Variants in IQCM observed in about 807,000 individuals in gnomAD.
IQCM encodes the protein IQ domain-containing protein M.
A neutral mutation model predicts 57.6 loss-of-function variants in IQCM; 45 were observed. The ratio of observed to expected loss-of-function variants is 0.78; its 90% CI spans 0.62 to 1.00. The LOEUF (loss-of-function observed/expected upper bound fraction) is 1.00. Among genes scored for constraint, IQCM ranks in the 50% least tolerant of loss-of-function variants. IQCM has a pLI of 0.00. For synonymous variants in IQCM, 148 were observed against 158.9 expected, an observed-to-expected ratio of 0.93 and a Z score of 0.51; for missense variants, 468 against 511.6, an observed-to-expected ratio of 0.91 and a Z score of 0.82.
At position 149,492,350 on chromosome 4, in the gene IQCM, T is replaced by A. The variant is rs572207460; in HGVS notation, c.1228+56105A>T. ...AAAGATTATGACCTAAAACATTAGA[T>A]GTGTCAGATAACTCTAGCACCAATA... is the stretch of plus-strand genomic sequence containing the variant. On this transcript the variant is annotated intron_variant, in intron 12 of 13. Transcript: ENST00000636793. 4.3e-4 allele frequency among the ~76,000 whole-genome samples: 65 copies of A among 152,232 alleles called. 1 individual carries two copies. Among genetic ancestry groups the A allele is most frequent in the African/African-American group, 1.6e-3 (65 of 41,560 alleles).
At position 149,359,147 on chromosome 4, in the gene IQCM, A is replaced by T. The variant is rs201660485; in HGVS notation, c.1391-7081T>A. Among the ~76,000 whole-genome samples, 21 of 152,244 alleles carry T rather than the reference A, an allele frequency of 1.4e-4. No homozygotes were observed. The East Asian group carries it at 3.3e-3, about 24-fold the overall frequency. On this transcript the variant is annotated intron_variant, in intron 13 of 13. Coordinates refer to ENST00000636793, the MANE Select transcript of IQCM (RefSeq NM_001363507.2). ...TGTGTGATCCAAAAATATCTCAAATAACTTTAATGCTCGTTGGTCCCCAAG... is the reference window on the plus strand; with the variant it reads ...TGTGTGATCCAAAAATATCTCAAATTACTTTAATGCTCGTTGGTCCCCAAG...
chr4:149,625,379 C>T (rs1756704305), intron 7 of IQCM, among the ~76,000 whole-genome samples: 1 of 152,172 alleles, frequency 6.6e-6, no homozygotes, highest in African/African-American at 2.4e-5. Context: ...ATATTTCCCT[C>T]ACCCATTGGA....
chr4:149,634,389 G>GA (rs1046297249), intron 7 of IQCM, among the ~76,000 whole-genome samples: 1 of 152,194 alleles, frequency 6.6e-6, no homozygotes, highest in Admixed American at 6.5e-5. Context: ...CACTGGAACA[G>GA]AACACATCCC....
chr4:149,702,360 A>G (rs1009682356), intron 5 of IQCM, among the ~76,000 whole-genome samples: 1 of 151,390 alleles, frequency 6.6e-6, no homozygotes, highest in Non-Finnish European at 1.5e-5. Context: ...TGACCACCTA[A>G]ATACTACCTG....
At chr4:149,560,129 C>A (rs1195384995) in intron 10 of IQCM, among the ~76,000 whole-genome samples, 1 of 152,174 alleles carries the variant, frequency 6.6e-6, no homozygotes, top group South Asian at 2.1e-4. Flanking sequence ...GTCCTATAGG[C>A]TTCATGAATA....
At chr4:149,631,884 C>G (rs1301483636) in intron 7 of IQCM, among the ~76,000 whole-genome samples, 1 of 152,168 alleles carries the variant, frequency 6.6e-6, no homozygotes, top group Non-Finnish European at 1.5e-5. Flanking sequence ...GATTAGGAAG[C>G]AGTCTGTGAG....
chr4:149,603,381 C>G (rs2726766), intron 8 of IQCM, among the ~76,000 whole-genome samples: 32,257 of 152,130 alleles, frequency 0.21, 4,269 homozygotes, highest in Non-Finnish European at 0.28. Context: ...GAGGACTCAA[C>G]TGTCTTAAAA....
chr4:149,779,363 A>T (rs1771390643), intron 2 of IQCM, among the ~76,000 whole-genome samples: 1 of 152,210 alleles, frequency 6.6e-6, no homozygotes, highest in Admixed American at 6.5e-5. Context: ...ATCCAATTTC[A>T]AGATTTACTC....
chr4:149,536,186 T>C (rs893969791), intron 12 of IQCM, among the ~76,000 whole-genome samples: 3 of 152,116 alleles, frequency 2.0e-5, no homozygotes, highest in Non-Finnish European at 4.4e-5. Context: ...AAATCTAATT[T>C]GCATTGTATA....
intron 12 of IQCM, among the ~76,000 whole-genome samples, chr4:149,485,877 A>C (rs187742925): frequency 6.6e-6 from 1 of 152,276 alleles, no homozygotes; most frequent in African/African-American, 2.4e-5. Flanking sequence ...AGACTTGGAC[A>C]ATTAGCCCAA....
At chr4:149,650,524 C>A (rs1368307089) in intron 7 of IQCM, among the ~76,000 whole-genome samples, 1 of 151,692 alleles carries the variant, frequency 6.6e-6, no homozygotes, top group African/African-American at 2.4e-5. Flanking sequence ...TCCCAAGTAG[C>A]TGGGATTACA....
chr4:149,386,511 T>G (rs1450125120), intron 13 of IQCM, among the ~76,000 whole-genome samples: 1 of 152,096 alleles, frequency 6.6e-6, no homozygotes, highest in Non-Finnish European at 1.5e-5. Context: ...TTTTAAAAAG[T>G]GCATACTGCA....
chr4:149,721,940 TC>T (rs1765483822), intron 5 of IQCM, among the ~76,000 whole-genome samples: 1 of 152,122 alleles, frequency 6.6e-6, no homozygotes, highest in Non-Finnish European at 1.5e-5. Flanking sequence ...TTTCACCACA[TC>T]TGTGCCAACA....
intron 8 of IQCM, among the ~76,000 whole-genome samples, chr4:149,588,808 C>A (rs1752874786): frequency 6.6e-6 from 1 of 151,870 alleles, no homozygotes; most frequent in Non-Finnish European, 1.5e-5. Context: ...GTATCCCTAA[C>A]ACACTAAAAC....
intron 7 of IQCM, among the ~76,000 whole-genome samples, chr4:149,647,714 T>A (rs1758772597): frequency 6.6e-6 from 1 of 152,166 alleles, no homozygotes; most frequent in Admixed American, 6.5e-5. Context: ...GATTTCAAAG[T>A]GTATATTTCT....
intron 2 of IQCM, among the ~76,000 whole-genome samples, chr4:149,760,022 G>GAAA (rs1580224346): frequency 8.5e-5 from 3 of 35,388 alleles, no homozygotes; most frequent in East Asian, 0.028. Flanking sequence ...AAGGAAGGAA[G>GAAA]GAAGGGAAGG....
At chr4:149,732,514 C>T (rs1016344616) in intron 5 of IQCM, among the ~76,000 whole-genome samples, 1 of 152,178 alleles carries the variant, frequency 6.6e-6, no homozygotes, top group African/African-American at 2.4e-5. Context: ...TGTTTATCCT[C>T]ACCATTACTC....
At chr4:149,760,595 G>T (rs1769413443) in intron 2 of IQCM, among the ~76,000 whole-genome samples, 1 of 151,818 alleles carries the variant, frequency 6.6e-6, no homozygotes, top group African/African-American at 2.4e-5. Context: ...TGCCTTTTAG[G>T]CCAGAAATAA....
intron 12 of IQCM, among the ~76,000 whole-genome samples, chr4:149,497,811 C>G (rs913807428): frequency 1.3e-5 from 2 of 149,398 alleles, no homozygotes; most frequent in Non-Finnish European, 3.0e-5. Flanking sequence ...ATATTTCTAT[C>G]AATTGCAAGT....
Sources: gnomAD v4.1 joint callset for allele counts (sites outside exome capture counted in the v4.1 genomes callset) on GRCh38, gnomAD v4.1.1 for gene constraint, MANE v1.5 for transcripts, NCBI Gene and HGNC (gene_info 2026-07-23, HGNC 2026-07-21) for gene names.